The following ITSN1 variants were observed in gnomAD, a reference collection of about 807,000 sequenced individuals.
ITSN1 encodes intersectin-1.
A neutral mutation model predicts 239.8 loss-of-function variants in ITSN1; 58 were observed. That is an observed-to-expected ratio of 0.24 (90% confidence interval 0.20 to 0.30). The LOEUF (loss-of-function observed/expected upper bound fraction) is 0.30, where lower values mean the gene tolerates loss of function less well. Ranked by LOEUF, ITSN1 falls within the 10% of genes least tolerant of loss-of-function variation. The probability of loss-of-function intolerance (pLI) is 1.00; values close to 1 mark genes in which losing one functional copy is unlikely to be tolerated. For missense variants in ITSN1, 1,558 were observed against 2,103.3 expected, an observed-to-expected ratio of 0.74 and a Z score of 5.07; for synonymous variants, 780 against 770.8, an observed-to-expected ratio of 1.01 and a Z score of -0.20.
intron 34 of ITSN1, among the ~76,000 whole-genome samples, chr21:33,876,782 G>A: frequency 6.6e-6 from 1 of 152,108 alleles, no homozygotes; most frequent in Non-Finnish European, 1.5e-5. Context: ...TGAGGTGGGA[G>A]GATTGCTTGA....
chr21:33,698,852 A>G (rs1024212575), intron 1 of ITSN1, among the ~76,000 whole-genome samples: 3 of 152,248 alleles, frequency 2.0e-5, no homozygotes, highest in African/African-American at 7.2e-5. Flanking sequence ...GAACAGGGAC[A>G]TAGGCTCTTC....
chr21:33,880,452 A>G (rs978777738), intron 34 of ITSN1, among the ~76,000 whole-genome samples: 1 of 151,992 alleles, frequency 6.6e-6, no homozygotes, highest in Non-Finnish European at 1.5e-5. Context: ...TGCAGAGGTG[A>G]AGAATGTTCT....
At chr21:33,840,898 G>A (rs1403104403) in intron 29 of ITSN1, among the ~76,000 whole-genome samples, 1 of 152,222 alleles carries the variant, frequency 6.6e-6, no homozygotes, top group Non-Finnish European at 1.5e-5. Flanking sequence ...TTTTGCTCCA[G>A]TAGCATTAGA....
chr21:33,708,548 C>T lies in ITSN1; in HGVS notation c.-32-10249C>T, dbSNP rs187638652. Among the ~76,000 whole-genome samples, 146 of 128,572 alleles carry T rather than the reference C, an allele frequency of 1.1e-3. 2 individuals are homozygous for T. The East Asian group carries it at 0.023, about 21-fold the overall frequency. 84.3% of individuals were successfully genotyped at this position (128,572 alleles called of 152,430 possible). A position where few individuals can be genotyped will look rare whatever the true frequency, so the allele number is the denominator to read the frequency against. ...GATTACAGGCATGCGCCACCACGCC[C>T]GGCTAATTTTGTATTTTTAGTAGAG... On this transcript the variant is annotated intron_variant, in intron 1 of 39. Transcript: ENST00000381318.
Position 33,797,365 on chromosome 21 carries a change from G to A in ITSN1, c.1953-14G>A, listed in dbSNP as rs1010413864. 19 of 1,610,854 alleles carry A rather than the reference G, an allele frequency of 1.2e-5. No individual in the cohort carries two copies. Among genetic ancestry groups the A allele is most frequent in the Non-Finnish European group, 1.4e-5 (16 of 1,177,456 alleles). On this transcript the variant is annotated splice_polypyrimidine_tract_variant and intron_variant, in intron 17 of 39. Transcript: ENST00000381318. This position sits in a 1 kb window ranked among gnomAD's most constrained non-coding sequence, Gnocchi z 4.9. ...AGTTGCTTTCTTGCTGTAATCAAGC[G>A]TGTTTGTTGGCAGACGAGCTCAGGA...
intron 1 of ITSN1, among the ~76,000 whole-genome samples, chr21:33,715,139 T>C (rs938289197): frequency 1.3e-5 from 2 of 152,184 alleles, no homozygotes; most frequent in African/African-American, 4.8e-5. Flanking sequence ...ATACCAAAAC[T>C]GTCACTGTGA....
Position 33,860,933 on chromosome 21 carries a change from CAGGGGGCTGATGTGT to C in ITSN1, c.3890+2143_3890+2157del, listed in dbSNP as rs369729653. ...GGTGTCCCAGGGGCACGCCGTCCAT[CAGGGGGCTGATGTGT>C]ACAGGGGCTGCTGGCTTCCCTCCAT... is the stretch of plus-strand genomic sequence containing the variant. On this transcript the variant is annotated intron_variant, in intron 31 of 39. Coordinates refer to ENST00000381318, the MANE Select transcript of ITSN1 (RefSeq NM_003024.3). Among the ~76,000 whole-genome samples, 1,117 of 152,274 alleles carry C rather than the reference CAGGGGGCTGATGTGT, an allele frequency of 7.3e-3. 9 individuals are homozygous for C. The highest frequency in any genetic ancestry group is 0.025 in the African/African-American group (1,034 of 41,544).
intron 3 of ITSN1, among the ~76,000 whole-genome samples, chr21:33,722,315 A>G (rs182084523): frequency 2.2e-4 from 34 of 152,370 alleles, no homozygotes; most frequent in Non-Finnish European, 4.0e-4. Context: ...GTAGCTGTTC[A>G]TATCTTAGTT....
chr21:33,880,769 A>G (rs1984767203), intron 34 of ITSN1, among the ~76,000 whole-genome samples: 1 of 151,952 alleles, frequency 6.6e-6, no homozygotes, highest in African/African-American at 2.4e-5. Flanking sequence ...CCCCCAGGCC[A>G]ATTGTGTGGG....
intron 20 of ITSN1, among the ~76,000 whole-genome samples, chr21:33,804,351 G>A (rs565887665): frequency 6.6e-6 from 1 of 152,192 alleles, no homozygotes; most frequent in South Asian, 2.1e-4. Context: ...CTTGTATATA[G>A]CACTATTCTC....
At chr21:33,871,082 G>C (rs1389286234) in intron 33 of ITSN1, among the ~76,000 whole-genome samples, 1 of 151,754 alleles carries the variant, frequency 6.6e-6, no homozygotes, top group African/African-American at 2.4e-5. Context: ...AGTGAGCCAA[G>C]ATCACACCAC....
At chr21:33,879,059 G>A (rs562663732) in intron 34 of ITSN1, among the ~76,000 whole-genome samples, 2 of 152,232 alleles carry the variant, frequency 1.3e-5, no homozygotes, top group Admixed American at 1.3e-4. Flanking sequence ...ATGAAGCATT[G>A]GAGGCAGGCC....
chr21:33,861,991 TAA>T (rs776558259), intron 31 of ITSN1, among the ~76,000 whole-genome samples: 1,372 of 58,138 alleles, frequency 0.024, 30 homozygotes, highest in African/African-American at 0.085. Flanking sequence ...TCATCTCTAC[TAA>T]AAAAAAAAAA....
intron 20 of ITSN1, among the ~76,000 whole-genome samples, chr21:33,805,159 A>G (rs2072317747): frequency 6.6e-6 from 1 of 152,240 alleles, no homozygotes; most frequent in African/African-American, 2.4e-5. Flanking sequence ...CCGCTGATCT[A>G]ACCTAATCTC....
chr21:33,770,027 T>TA (rs1161323555), intron 11 of ITSN1, among the ~76,000 whole-genome samples: 1 of 151,600 alleles, frequency 6.6e-6, no homozygotes, highest in African/African-American at 2.4e-5. Flanking sequence ...GATATTAATT[T>TA]ATCATAAGGG....
At chr21:33,732,859 A>G (rs1246771371) in intron 4 of ITSN1, among the ~76,000 whole-genome samples, 1 of 152,232 alleles carries the variant, frequency 6.6e-6, no homozygotes, top group East Asian at 1.9e-4. Flanking sequence ...AAAATTCTTC[A>G]GAATACATTT....
chr21:33,866,328 G>A (rs1190300442), intron 32 of ITSN1, among the ~76,000 whole-genome samples: 1 of 152,236 alleles, frequency 6.6e-6, no homozygotes, highest in East Asian at 1.9e-4. Context: ...GGATGGAGAC[G>A]AGAGAGCAGA....
rs144611522 is a variant in ITSN1 at position 33,748,269 on chromosome 21, G to A, written c.347-1874G>A. ...GTTTGAGACCAGACTGAGTAACATA[G>A]CAAGACCCTGTCTCTACAAAAAAAT... is the stretch of plus-strand genomic sequence containing the variant. On this transcript the variant is annotated intron_variant, in intron 5 of 39. Coordinates refer to ENST00000381318, the MANE Select transcript of ITSN1 (RefSeq NM_003024.3). Among the ~76,000 whole-genome samples the A allele has an allele frequency of 7.2e-3, 1,091 of 152,026 alleles. 12 individuals carry two copies. Among genetic ancestry groups the A allele is most frequent in the African/African-American group, 0.025 (1,038 of 41,464 alleles).
intron 26 of ITSN1, among the ~76,000 whole-genome samples, chr21:33,827,750 T>C (rs565571341): frequency 6.6e-6 from 1 of 152,354 alleles, no homozygotes; most frequent in East Asian, 1.9e-4. Context: ...AAGAAGCGGA[T>C]GTGAAATAAT....
Sources: gnomAD v4.1 joint callset for allele counts (sites outside exome capture counted in the v4.1 genomes callset) on GRCh38, gnomAD v4.1.1 for gene constraint, Gnocchi (gnomAD v3.1) non-coding constraint, MANE v1.5 for transcripts, NCBI Gene and HGNC (gene_info 2026-07-23, HGNC 2026-07-21) for gene names.